Variants in COL5A1 observed in about 807,000 individuals in gnomAD.
The protein encoded by COL5A1 is collagen alpha-1(V) chain.
Under a neutral mutation model 263.7 loss-of-function variants are expected in COL5A1, and 16 were observed. The observed-to-expected ratio is 0.06, with a 90% CI of 0.04 to 0.09. The LOEUF is 0.09. Among genes scored for constraint, COL5A1 ranks in the 10% least tolerant of loss-of-function variants. The pLI is 1.00. For synonymous variants in COL5A1, 1,012 were observed against 1,004.5 expected (o/e 1.01, Z -0.14); for missense variants, 2,036 against 2,540.5 (o/e 0.80, Z 4.27).
In COL5A1 at chr9:134,765,541, C is replaced by T; in HGVS notation, c.2035-140C>T. On this transcript the variant is annotated intron_variant, in intron 20 of 65. Coordinates refer to ENST00000371817, the MANE Select transcript of COL5A1 (RefSeq NM_000093.5). This position sits in a 1 kb window ranked among gnomAD's most constrained non-coding sequence, Gnocchi z 5.1. Reference sequence around the variant, plus strand: ...GCAGCAGGCTGGGAGGGAGTCTGGGCCTCACTCCTGGGAGGCCAGGAGGCC... The same window carrying T: ...GCAGCAGGCTGGGAGGGAGTCTGGGTCTCACTCCTGGGAGGCCAGGAGGCC... 1.4e-6 allele frequency: 1 copy of T among 733,556 alleles called. No homozygotes were observed. The highest frequency in any genetic ancestry group is 2.4e-6 in the Non-Finnish European group (1 of 410,396). 45.4% of individuals were successfully genotyped at this position (733,556 alleles called of 1,614,324 possible).
Position 134,817,022 on chromosome 9 carries a change from C to G in COL5A1, c.4123-4C>G. On this transcript the variant is annotated splice_region_variant and splice_polypyrimidine_tract_variant and intron_variant, in intron 52 of 65. Coordinates refer to ENST00000371817, the MANE Select transcript of COL5A1 (RefSeq NM_000093.5). ...TCACACTCTGTTCTTTCTCCCAATA[C>G]CAGGGATCCCCCGGCCCTACTGGTG... is the stretch of plus-strand genomic sequence containing the variant. 1 of 1,613,792 alleles carries G rather than the reference C, an allele frequency of 6.2e-7. No individual in the cohort carries two copies. Among genetic ancestry groups the G allele is most frequent in the Non-Finnish European group, 8.5e-7 (1 of 1,179,692 alleles).
chr9:134,776,870 T>C (rs1185436396), intron 27 of COL5A1, among the ~76,000 whole-genome samples: 1 of 152,100 alleles, frequency 6.6e-6, no homozygotes, highest in Non-Finnish European at 1.5e-5. Context: ...GATGGTCCCG[T>C]CTCACTGTGT....
rs963127316 is a variant in COL5A1 at position 134,757,481 on chromosome 9, C to T, written c.1881+663C>T. Reference sequence around the variant, plus strand: ...CAGCTGTGATTTGGAGATTGGAGACCGGGCACCAAAAAAATGCCAGGGCTC... The same window carrying T: ...CAGCTGTGATTTGGAGATTGGAGACTGGGCACCAAAAAAATGCCAGGGCTC... On this transcript the variant is annotated intron_variant, in intron 17 of 65. Transcript: ENST00000371817. This position sits in a 1 kb window ranked among gnomAD's most constrained non-coding sequence, Gnocchi z 6.2. Among the ~76,000 whole-genome samples, 7 of 152,072 alleles carry T rather than the reference C, an allele frequency of 4.6e-5. No individual in the cohort carries two copies. Among genetic ancestry groups the T allele is most frequent in the South Asian group, 2.1e-4 (1 of 4,824 alleles).
intron 4 of COL5A1, among the ~76,000 whole-genome samples, chr9:134,707,152 G>T (rs1175398977): frequency 1.3e-5 from 2 of 152,172 alleles, no homozygotes; most frequent in Non-Finnish European, 2.9e-5. Context: ...TGACCAGGAG[G>T]GGGGCCGTGG....
intron 4 of COL5A1, among the ~76,000 whole-genome samples, chr9:134,718,782 G>T (rs1834355122): frequency 6.6e-6 from 1 of 152,186 alleles, no homozygotes; most frequent in Non-Finnish European, 1.5e-5. Flanking sequence ...CCTCCCATAT[G>T]GCCTGCGAGA....
In COL5A1 at chr9:134,701,438, G is replaced by A. The variant is rs138162275; in HGVS notation, c.654+105G>A. The A allele has an allele frequency of 0.026, 27,382 of 1,072,710 alleles. 466 individuals carry two copies. Among genetic ancestry groups the A allele is most frequent in the South Asian group, 0.056 (4,191 of 74,522 alleles). 66.4% of individuals were successfully genotyped at this position (1,072,710 alleles called of 1,614,324 possible). A position where few individuals can be genotyped will look rare whatever the true frequency, so the allele number is the denominator to read the frequency against. On this transcript the variant is annotated intron_variant, in intron 4 of 65. Transcript: ENST00000371817. ...GCTCCTCGGGCCGGGACCGGCTGGCGGTCCACTGTGGTCACCGTCTCTGTT... is the reference window on the plus strand; with the variant it reads ...GCTCCTCGGGCCGGGACCGGCTGGCAGTCCACTGTGGTCACCGTCTCTGTT...
chr9:134,828,616 C>CCACACACATACCA (rs1279607533), intron 63 of COL5A1, among the ~76,000 whole-genome samples: 1 of 2,866 alleles, frequency 3.5e-4, no homozygotes, highest in Non-Finnish European at 7.4e-4. Context: ...ACACCATACA[C>CCACACACATACCA]CACACACATA....
chr9:134,686,332 C>T lies in COL5A1; in HGVS notation c.110-4580C>T, dbSNP rs1160433344. 6.6e-6 allele frequency among the ~76,000 whole-genome samples: 1 copy of T among 152,142 alleles called. No homozygotes were observed. The highest frequency in any genetic ancestry group is 2.4e-5 in the African/African-American group (1 of 41,424). ...GCAGTGACACGATCCTGGCTTACTG[C>T]AACCTCCACCACCCAGGGTCAAACG... On this transcript the variant is annotated intron_variant, in intron 1 of 65. Coordinates refer to ENST00000371817, the MANE Select transcript of COL5A1 (RefSeq NM_000093.5). The surrounding 1 kb of genome is among the most constrained non-coding windows in gnomAD (Gnocchi z 4.6).
intron 18 of COL5A1, among the ~76,000 whole-genome samples, chr9:134,760,704 C>T (rs1398300296): frequency 6.9e-6 from 1 of 145,118 alleles, no homozygotes; most frequent in African/African-American, 2.6e-5. Flanking sequence ...TGCACACACA[C>T]ACCCACACAC....
intron 7 of COL5A1, among the ~76,000 whole-genome samples, chr9:134,731,047 G>A (rs1834860688): frequency 2.0e-5 from 3 of 152,250 alleles, no homozygotes; most frequent in Admixed American, 2.0e-4. Context: ...GGGCTGTGAA[G>A]TTTTCAGATT....
intron 4 of COL5A1, among the ~76,000 whole-genome samples, chr9:134,703,924 C>A (rs1011285626): frequency 6.6e-6 from 1 of 152,132 alleles, no homozygotes; most frequent in Non-Finnish European, 1.5e-5. Context: ...CAGGCGTGAG[C>A]CACCGCGCCC....
intron 42 of COL5A1, among the ~76,000 whole-genome samples, chr9:134,806,602 C>T (rs576360955): frequency 5.9e-5 from 9 of 152,292 alleles, no homozygotes; most frequent in Admixed American, 2.6e-4. Flanking sequence ...GTGTTCCCCA[C>T]ATGCGTGGAC....
At chr9:134,659,194 C>A (rs1204510370) in intron 1 of COL5A1, among the ~76,000 whole-genome samples, 1 of 152,114 alleles carries the variant, frequency 6.6e-6, no homozygotes, top group Non-Finnish European at 1.5e-5. Context: ...GAATTTGAGA[C>A]TGGCCAATAT....
In COL5A1 at chr9:134,818,607, C is replaced by A; in HGVS notation, c.4231-49C>A. The A allele has an allele frequency of 7.1e-7, 1 of 1,405,934 alleles. No individual in the cohort carries two copies. The highest frequency in any genetic ancestry group is 9.9e-7 in the Non-Finnish European group (1 of 1,007,846). The allele number at this position is 1,405,934 out of a possible 1,614,324, so 87.1% of individuals were successfully genotyped here. On this transcript the variant is annotated intron_variant, in intron 54 of 65. Coordinates refer to ENST00000371817, the MANE Select transcript of COL5A1 (RefSeq NM_000093.5). This position sits in a 1 kb window ranked among gnomAD's most constrained non-coding sequence, Gnocchi z 6.0. The stretch of plus-strand genomic sequence containing the variant: ...CGAGCAGTGGTCCTGGGCCAGGGTG[C>A]CTGGAGCCTAGAGCTCCGGACCTCA...
At chr9:134,802,858 G>A (rs936117139) in intron 38 of COL5A1, 30 bp from the exon 39 acceptor site, 19 of 1,523,254 alleles carry the variant, frequency 1.2e-5, no homozygotes, top group Middle Eastern at 1.7e-4. Flanking sequence ...CACTCGAAAC[G>A]TCTGTGGCTG....
chr9:134,805,982 G>A (rs1838283256), intron 41 of COL5A1, among the ~76,000 whole-genome samples: 1 of 152,158 alleles, frequency 6.6e-6, no homozygotes, highest in Admixed American at 6.5e-5. Flanking sequence ...AGACACCAGG[G>A]GGAGGAGCAC....
chr9:134,805,977 C>A (rs1554803788), intron 41 of COL5A1, among the ~76,000 whole-genome samples: 1 of 152,128 alleles, frequency 6.6e-6, no homozygotes, highest in Non-Finnish European at 1.5e-5. Context: ...CTGTCAGACA[C>A]CAGGGGGAGG....
At chr9:134,762,892 C>T (rs866873733) in intron 19 of COL5A1, among the ~76,000 whole-genome samples, 21 of 151,548 alleles carry the variant, frequency 1.4e-4, no homozygotes, top group South Asian at 2.1e-4. Context: ...TGTGTGTATG[C>T]GTGCATATGT....
intron 4 of COL5A1, among the ~76,000 whole-genome samples, chr9:134,710,337 G>A (rs34489324): frequency 2.6e-5 from 4 of 152,266 alleles, no homozygotes; most frequent in South Asian, 2.1e-4. Context: ...TAGCATCGCC[G>A]TCAGTGCCGT....
Sources: gnomAD v4.1 joint callset for allele counts (sites outside exome capture counted in the v4.1 genomes callset) on GRCh38, gnomAD v4.1.1 for gene constraint, Gnocchi (gnomAD v3.1) non-coding constraint, MANE v1.5 for transcripts, NCBI Gene and HGNC (gene_info 2026-07-23, HGNC 2026-07-21) for gene names.